Variants in ZNF214 observed in about 807,000 individuals in gnomAD.
ZNF214 encodes the protein zinc finger protein 214, also known as BWSCR2-associated zinc finger protein 1.
A neutral mutation model predicts 53.9 loss-of-function variants in ZNF214; 43 were observed. The ratio of observed to expected loss-of-function variants is 0.80; its 90% CI spans 0.63 to 1.03. The LOEUF is 1.03. Among genes scored for constraint, ZNF214 ranks in the 50% least tolerant of loss-of-function variants. The pLI is 0.00. For synonymous variants in ZNF214, 217 were observed against 229.5 expected (o/e 0.95, Z 0.49); for missense variants, 724 against 719.1 (o/e 1.01, Z -0.08).
chr11:7,005,471 C>T (rs889101165), intron 1 of ZNF214, among the ~76,000 whole-genome samples: 19 of 151,990 alleles, frequency 1.3e-4, no homozygotes, highest in African/African-American at 4.6e-4. Flanking sequence ...AAGAGATATA[C>T]TCCAAACTAA....
rs1851321262 is a variant in ZNF214, at chr11:7,000,801, C to G, written c.882G>C (p.Gln294His). The G allele has an allele frequency of 3.7e-6, 6 of 1,611,074 alleles. No homozygotes were observed. Among genetic ancestry groups the G allele is most frequent in the Non-Finnish European group, 5.1e-6 (6 of 1,179,196 alleles). ...AAGGTACCTCCCCTATGTGAACTCT[C>G]TGATGAAAGTGAACTCCGGAGCTCT... ...FHQSSGVHFH[Q>H]RVHIGEVPYS... Residue 294 changes from glutamine (Q) to histidine (H), a missense_variant, in exon 3 of 3, where the codon CAG becomes CAC. Coordinates refer to ENST00000278314, the MANE Select transcript of ZNF214 (RefSeq NM_013249.4).
intron 1 of ZNF214, among the ~76,000 whole-genome samples, chr11:7,005,672 C>T (rs1002857379): frequency 3.9e-5 from 6 of 152,070 alleles, no homozygotes; most frequent in Admixed American, 2.0e-4. Flanking sequence ...ACAATGGCTT[C>T]AGGTGCTGTC....
Position 6,998,656 on chromosome 11 carries a change from T to C in ZNF214, c.*1206A>G, listed in dbSNP as rs1237232209. Among the ~76,000 whole-genome samples, 1 of 152,012 alleles carries C rather than the reference T, an allele frequency of 6.6e-6. No homozygotes were observed. Among genetic ancestry groups the C allele is most frequent in the Non-Finnish European group, 1.5e-5 (1 of 67,938 alleles). On this transcript the variant is annotated 3_prime_UTR_variant, in exon 3 of 3. Transcript: ENST00000278314. ...CTTTAGATACTCTTCTCTACTTGTA[T>C]ATTTCTACTCTATCTTTACTGAGTT... is the stretch of plus-strand genomic sequence containing the variant.
intron 1 of ZNF214, among the ~76,000 whole-genome samples, chr11:7,014,941 A>G (rs570566669): frequency 6.6e-6 from 1 of 152,060 alleles, no homozygotes; most frequent in African/African-American, 2.4e-5. Context: ...GCCGAGTTCA[A>G]TGGTGAGTGT....
At chr11:7,002,176 C>G (rs1183070389) in intron 2 of ZNF214, among the ~76,000 whole-genome samples, 4 of 151,932 alleles carry the variant, frequency 2.6e-5, no homozygotes, top group African/African-American at 7.2e-5. Flanking sequence ...CTTGGGTTGG[C>G]TTGTTTGAAG....
chr11:7,018,495 CTTTTTTT>C (rs55641448), intron 1 of ZNF214, among the ~76,000 whole-genome samples: 3 of 61,876 alleles, frequency 4.8e-5, no homozygotes, highest in African/African-American at 1.2e-4. Context: ...AATGTTAAGA[CTTTTTTT>C]TTTTTTTTTT....
In ZNF214 at chr11:7,001,222, A is replaced by G. The variant is rs1295654420; in HGVS notation, c.461T>C (p.Ile154Thr). Residue 154 changes from isoleucine (I) to threonine (T), a missense_variant, in exon 3 of 3, where the codon ATC becomes ACC. Transcript: ENST00000278314. ...AAAACCATGTGAACCACTCATGTAG[A>G]TTTCTCTACCATAGTCTTGAGTGGT... ...TKTTQDYGRE[I>T]YMSGSHGFQG... 5 of 1,613,080 alleles carry G rather than the reference A, an allele frequency of 3.1e-6. No homozygotes were observed. Among genetic ancestry groups the G allele is most frequent in the African/African-American group, 1.3e-5 (1 of 74,798 alleles).
chr11:7,015,136 C>T (rs1223452627), intron 1 of ZNF214, among the ~76,000 whole-genome samples: 4 of 147,078 alleles, frequency 2.7e-5, no homozygotes, highest in Admixed American at 1.4e-4. Context: ...CTGTTGCCCA[C>T]GCTGGAGTGC....
chr11:7,001,612 CA>C, intron 2 of ZNF214, 57 bp from the exon 3 acceptor site: 2 of 1,516,152 alleles, frequency 1.3e-6, no homozygotes, highest in Non-Finnish European at 1.8e-6. Context: ...GAAAAATTTC[CA>C]ACTATCTAAA....
intron 1 of ZNF214, among the ~76,000 whole-genome samples, chr11:7,008,663 C>G (rs911808371): frequency 1.3e-5 from 2 of 152,094 alleles, no homozygotes; most frequent in Non-Finnish European, 2.9e-5. Context: ...TTGCAGATGA[C>G]ATGATTCCAT....
intron 1 of ZNF214, among the ~76,000 whole-genome samples, chr11:7,009,868 A>T (rs753855461): frequency 2.0e-5 from 3 of 152,218 alleles, no homozygotes; most frequent in Non-Finnish European, 4.4e-5. Context: ...CCACAGTGAG[A>T]TACCATATCA....
At chr11:7,019,607 C>G (rs1324209388) in intron 1 of ZNF214, 1 of 152,126 alleles carries the variant, frequency 6.6e-6, no homozygotes, top group Non-Finnish European at 1.5e-5. Context: ...ATCAAAGTCT[C>G]AACTGTGCCA....
chr11:7,011,144 TAG>T (rs1851598174), intron 1 of ZNF214, among the ~76,000 whole-genome samples: 1 of 151,994 alleles, frequency 6.6e-6, no homozygotes, highest in African/African-American at 2.4e-5. Flanking sequence ...TTTTCAAAAG[TAG>T]AGAGTGAAAA....
chr11:7,000,639 G>A lies in ZNF214; in HGVS notation c.1044C>T (p.His348=), dbSNP rs1235290051. 6.2e-7 allele frequency: 1 copy of A among 1,600,198 alleles called. No individual in the cohort carries two copies. Among genetic ancestry groups the A allele is most frequent in the African/African-American group, 1.3e-5 (1 of 74,154 alleles). Residue 348 remains histidine, a synonymous_variant, in exon 3 of 3, where the codon CAC becomes CAT. Coordinates refer to ENST00000278314, the MANE Select transcript of ZNF214 (RefSeq NM_013249.4). ...DLSRNSLLHI[H]QRLHIGEKPF... The stretch of plus-strand genomic sequence containing the variant: ...GCTTCTCTCCTATGTGAAGTCTCTG[G>A]TGAATGTGAAGTAATGAATTTCTAC...
rs192774769 is a variant in ZNF214, at chr11:6,999,718, A to G, written c.*144T>C. 1,071 of 886,002 alleles carry G rather than the reference A, an allele frequency of 1.2e-3. 7 individuals carry two copies. Among genetic ancestry groups the G allele is most frequent in the South Asian group, 4.4e-3 (163 of 37,442 alleles). 54.9% of individuals were successfully genotyped at this position (886,002 alleles called of 1,614,324 possible). ...TTCTAAAGATCTCCTTTTGAAGCAA[A>G]TAATTCTTAGTGGGAGATAGGGGAA... On this transcript the variant is annotated 3_prime_UTR_variant, in exon 3 of 3. Coordinates refer to ENST00000278314, the MANE Select transcript of ZNF214 (RefSeq NM_013249.4).
intron 1 of ZNF214, among the ~76,000 whole-genome samples, chr11:7,004,654 A>G (rs923220055): frequency 2.0e-5 from 3 of 152,094 alleles, no homozygotes; most frequent in African/African-American, 7.2e-5. Flanking sequence ...AGCTCTGGGA[A>G]AAGCTATATG....
In ZNF214 at chr11:6,999,688, G is replaced by T; in HGVS notation, c.*174C>A. 2 of 608,362 alleles carry T rather than the reference G, an allele frequency of 3.3e-6. No homozygotes were observed. The highest frequency in any genetic ancestry group is 5.2e-6 in the Non-Finnish European group (2 of 382,662). 37.7% of individuals were successfully genotyped at this position (608,362 alleles called of 1,614,324 possible). On this transcript the variant is annotated 3_prime_UTR_variant, in exon 3 of 3. Coordinates refer to ENST00000278314, the MANE Select transcript of ZNF214 (RefSeq NM_013249.4). Reference sequence around the variant, plus strand: ...TACACTATAATTTTAAATATATAGGGTTTTTTCTAAAGATCTCCTTTTGAA... The same window carrying T: ...TACACTATAATTTTAAATATATAGGTTTTTTTCTAAAGATCTCCTTTTGAA...
At chr11:7,014,178 G>C (rs1851688517) in intron 1 of ZNF214, among the ~76,000 whole-genome samples, 1 of 152,172 alleles carries the variant, frequency 6.6e-6, no homozygotes, top group African/African-American at 2.4e-5. Context: ...GCATATCTGA[G>C]AGATCCAAGA....
rs1851379247 is a variant in ZNF214, at chr11:7,002,576, A to G, written c.127+133T>C. 4 of 1,016,174 alleles carry G rather than the reference A, an allele frequency of 3.9e-6. No homozygotes were observed. The East Asian group carries it at 1.1e-4, about 28-fold the overall frequency. The allele number at this position is 1,016,174 out of a possible 1,614,324, so 62.9% of individuals were successfully genotyped here. ...CTGTCTTGCTTTATCTTCTATTTGTAACATGATTTAAGAAACATTTTTGAG... is the reference window on the plus strand; with the variant it reads ...CTGTCTTGCTTTATCTTCTATTTGTGACATGATTTAAGAAACATTTTTGAG... On this transcript the variant is annotated intron_variant, in intron 2 of 2. Transcript: ENST00000278314.
Sources: allele counts gnomAD v4.1 joint callset (sites outside exome capture counted in the v4.1 genomes callset), GRCh38; gene constraint gnomAD v4.1.1; transcripts MANE v1.5; gene names NCBI Gene and HGNC (gene_info 2026-07-23, HGNC 2026-07-21).